The following ADGRL3 variants were observed in gnomAD, a reference collection of about 807,000 sequenced individuals.
ADGRL3 encodes the protein adhesion G protein-coupled receptor L3, also known as calcium-independent alpha-latrotoxin receptor 3.
In ADGRL3, 62 loss-of-function variants were observed where a neutral mutation model predicts 153.5. The observed-to-expected ratio is 0.40, with a 90% confidence interval of 0.33 to 0.50. The LOEUF (loss-of-function observed/expected upper bound fraction) is 0.50, where lower values mean the gene tolerates loss of function less well. ADGRL3 is among the 20% of genes least tolerant of loss of function. ADGRL3 has a pLI of 0.47. For synonymous variants in ADGRL3, 710 were observed against 672.5 expected (o/e 1.06, Z -0.86); for missense variants, 1,641 against 1,859.4 (o/e 0.88, Z 2.16).
At chr4:61,577,200 G>T (rs1429931522) in intron 4 of ADGRL3, among the ~76,000 whole-genome samples, 1 of 143,680 alleles carries the variant, frequency 7.0e-6, no homozygotes, top group African/African-American at 2.5e-5. Context: ...GAGTGTGTGT[G>T]CATGTGTGTG....
intron 2 of ADGRL3, among the ~76,000 whole-genome samples, chr4:61,402,455 T>A (rs2096940904): frequency 6.6e-6 from 1 of 152,108 alleles, no homozygotes. Flanking sequence ...TTTTAACACA[T>A]ACGAATTTTA....
rs6836905 is a variant in ADGRL3, at chr4:61,554,359, A to T, written c.260-32868A>T. ...CAGGCGCGTGCCACCACGTCTAGCT[A>T]ATTTTTTTGTATTTTTAGTAGATAC... On this transcript the variant is annotated intron_variant, in intron 4 of 26. Transcript: ENST00000683033. Among the ~76,000 whole-genome samples, 1,396 of 151,738 alleles carry T rather than the reference A, an allele frequency of 9.2e-3. 27 individuals are homozygous for T. The highest frequency in any genetic ancestry group is 0.032 in the African/African-American group (1,327 of 41,366).
chr4:61,570,602 A>T (rs2098834663), intron 4 of ADGRL3, among the ~76,000 whole-genome samples: 1 of 152,256 alleles, frequency 6.6e-6, no homozygotes, highest in Non-Finnish European at 1.5e-5. Flanking sequence ...ATAATTTTGC[A>T]CCATTACACT....
chr4:61,788,659 AC>A (rs2097305346), intron 8 of ADGRL3, among the ~76,000 whole-genome samples: 1 of 152,214 alleles, frequency 6.6e-6, no homozygotes, highest in South Asian at 2.1e-4. Context: ...CAAAAAACTC[AC>A]CAGCAATGGA....
At chr4:61,259,819 A>G (rs969112890) in intron 1 of ADGRL3, among the ~76,000 whole-genome samples, 9 of 152,120 alleles carry the variant, frequency 5.9e-5, no homozygotes, top group African/African-American at 1.9e-4. Flanking sequence ...ACATGAGGCA[A>G]ATCAGTGCAG....
chr4:61,682,261 C>G (rs753317454), intron 6 of ADGRL3, among the ~76,000 whole-genome samples: 7 of 151,808 alleles, frequency 4.6e-5, no homozygotes, highest in Non-Finnish European at 1.0e-4. Flanking sequence ...CTCTCTGTAT[C>G]AGCTATATAA....
rs867916110 is a variant in ADGRL3 at position 61,590,611 on chromosome 4, C to T, written c.473+3171C>T. Among the ~76,000 whole-genome samples the T allele has an allele frequency of 2.2e-4, 33 of 152,090 alleles. No individual in the cohort carries two copies. The Middle Eastern group carries it at 0.02, about 94-fold the overall frequency. On this transcript the variant is annotated intron_variant, in intron 5 of 26. Transcript: ENST00000683033. ...ATAAATAAGTTAGTCGTGTTTTCTC[C>T]CCATAAAACTATGTATTTTTTGGCA...
intron 8 of ADGRL3, among the ~76,000 whole-genome samples, chr4:61,789,667 G>A (rs1352724593): frequency 2.0e-5 from 3 of 152,098 alleles, no homozygotes; most frequent in South Asian, 4.1e-4. Flanking sequence ...AAAATTGACT[G>A]ATAGTTGATT....
chr4:61,696,192 C>G lies in ADGRL3; in HGVS notation c.583+19257C>G, dbSNP rs374261738. On this transcript the variant is annotated intron_variant, in intron 6 of 26. Coordinates refer to ENST00000683033, the MANE Select transcript of ADGRL3 (RefSeq NM_001387552.1). ...CAACTTGACTGTTTGGTGCTAGAGA[C>G]CTAGCTTTCAGCCATTCTGAGGGCA... Among the ~76,000 whole-genome samples the G allele has an allele frequency of 1.8e-4, 28 of 152,210 alleles. No homozygotes were observed. The South Asian group carries it at 5.2e-3, about 28-fold the overall frequency.
chr4:61,368,845 T>A (rs2096462388), intron 1 of ADGRL3, among the ~76,000 whole-genome samples: 1 of 152,204 alleles, frequency 6.6e-6, no homozygotes, highest in Non-Finnish European at 1.5e-5. Flanking sequence ...ACAATATTGA[T>A]TCTTCCTACC....
chr4:61,645,746 A>G (rs2093947017), intron 5 of ADGRL3, among the ~76,000 whole-genome samples: 1 of 151,922 alleles, frequency 6.6e-6, no homozygotes, highest in African/African-American at 2.4e-5. Flanking sequence ...ACTTTGGTGA[A>G]TCTGACAATT....
intron 17 of ADGRL3, among the ~76,000 whole-genome samples, chr4:61,963,397 C>G (rs1478957062): frequency 2.0e-5 from 3 of 151,880 alleles, no homozygotes; most frequent in African/African-American, 7.3e-5. Context: ...GGTAGTTATT[C>G]AGTCCTCACC....
At chr4:61,534,004 A>C (rs2152967435) in intron 4 of ADGRL3, among the ~76,000 whole-genome samples, 1 of 152,244 alleles carries the variant, frequency 6.6e-6, no homozygotes, top group South Asian at 2.1e-4. Flanking sequence ...TTGAGGTCTT[A>C]GTCATAAATT....
At chr4:61,270,307 A>G (rs1378379420) in intron 1 of ADGRL3, among the ~76,000 whole-genome samples, 2 of 151,672 alleles carry the variant, frequency 1.3e-5, no homozygotes, top group African/African-American at 4.8e-5. Context: ...ATAAAAGTAA[A>G]CCTTAAAGGT....
intron 6 of ADGRL3, among the ~76,000 whole-genome samples, chr4:61,710,663 T>C (rs1202887663): frequency 6.6e-6 from 1 of 152,194 alleles, no homozygotes; most frequent in Admixed American, 6.5e-5. Flanking sequence ...TAAACACATG[T>C]ATTCAAAAAC....
intron 2 of ADGRL3, among the ~76,000 whole-genome samples, chr4:61,470,137 A>G (rs1280429333): frequency 6.6e-6 from 1 of 152,092 alleles, no homozygotes; most frequent in Non-Finnish European, 1.5e-5. Context: ...AAACATTAAC[A>G]TAATTTGCAT....
At chr4:61,488,579 C>T (rs937863378) in intron 2 of ADGRL3, among the ~76,000 whole-genome samples, 9 of 151,980 alleles carry the variant, frequency 5.9e-5, no homozygotes, top group African/African-American at 1.4e-4. Flanking sequence ...CTGAACTACT[C>T]TCCCTACTCC....
chr4:61,345,044 C>G (rs530255528), intron 1 of ADGRL3, among the ~76,000 whole-genome samples: 1 of 151,654 alleles, frequency 6.6e-6, no homozygotes, highest in South Asian at 2.1e-4. Context: ...GTGATCCATC[C>G]GCCTCGGCCT....
intron 4 of ADGRL3, among the ~76,000 whole-genome samples, chr4:61,525,218 A>T (rs933929530): frequency 1.2e-4 from 19 of 152,106 alleles, no homozygotes; most frequent in African/African-American, 4.3e-4. Context: ...GCTCTTTTAG[A>T]TAAGGTAGTA....
Sources: gnomAD v4.1 joint callset for allele counts (sites outside exome capture counted in the v4.1 genomes callset) on GRCh38, gnomAD v4.1.1 for gene constraint, MANE v1.5 for transcripts, NCBI Gene and HGNC (gene_info 2026-07-23, HGNC 2026-07-21) for gene names.